The following DNAH2 variants were observed in gnomAD, a reference collection of about 807,000 sequenced individuals.
The protein encoded by DNAH2 is dynein axonemal heavy chain 2.
In DNAH2, 323 loss-of-function variants were observed where a neutral mutation model predicts 523.5. The ratio of observed to expected loss-of-function variants is 0.62; its 90% confidence interval spans 0.56 to 0.68. The LOEUF (loss-of-function observed/expected upper bound fraction) is 0.68. Among genes scored for constraint, DNAH2 ranks in the 30% least tolerant of loss-of-function variants. DNAH2 has a pLI of 0.00. For synonymous variants in DNAH2, 2,093 were observed against 2,177.4 expected, an observed-to-expected ratio of 0.96 and a Z score of 1.08; for missense variants, 4,907 against 5,701.5, an observed-to-expected ratio of 0.86 and a Z score of 4.49.
rs191532516 is a variant in DNAH2, at chr17:7,830,975, G to A, written c.12231-111G>A. On this transcript the variant is annotated intron_variant, in intron 79 of 85. Transcript: ENST00000572933. ...GACAGAGTTTGTGGGATTGAGATGG[G>A]GAGCAGGGCAGGGAGCTGGACAAAT... The A allele has an allele frequency of 1.7e-5, 25 of 1,507,088 alleles. No homozygotes were observed. The Admixed American group carries it at 2.6e-4, about 15-fold the overall frequency. 93.4% of individuals were successfully genotyped at this position (1,507,088 alleles called of 1,614,324 possible).
Position 7,768,053 on chromosome 17 carries a change from G to C in DNAH2, c.3829G>C (p.Glu1277Gln). ...LFRRLTKLAK[E>Q]YKDRNWEIIE... ...TCGTCGCCTCACAAAATTAGCCAAA[G>C]AGTATAAGGTGGGGAGAAACGGCGG... The change falls in exon 23 of 86, where the codon GAG becomes CAG. Residue 1277 changes from glutamate to glutamine, a missense_variant. Glu to Gln is a conservative substitution (Grantham distance 29, BLOSUM62 2). Transcript: ENST00000572933. The C allele has an allele frequency of 6.2e-7, 1 of 1,614,164 alleles. No homozygotes were observed. The highest frequency in any genetic ancestry group is 1.1e-5 in the South Asian group (1 of 91,078).
At chr17:7,765,903 C>T (rs753686042) in intron 21 of DNAH2, among the ~76,000 whole-genome samples, 6 of 151,988 alleles carry the variant, frequency 3.9e-5, no homozygotes, top group African/African-American at 7.3e-5. Context: ...TCAGCCTCCC[C>T]GAGTAGCTGG....
At chr17:7,776,671 G>A in intron 31 of DNAH2, 108 bp from the exon 32 acceptor site, 1 of 782,184 alleles carries the variant, frequency 1.3e-6, no homozygotes. Flanking sequence ...AGCAGATTGG[G>A]TGCAGTTGGG....
At position 7,808,069 on chromosome 17, in the gene DNAH2, C is replaced by A. The variant is rs146053348; in HGVS notation, c.9729+483C>A. On this transcript the variant is annotated intron_variant, in intron 63 of 85. Transcript: ENST00000572933. ...GGAGTCTGGGCAACCCAGGCGATCT[C>A]CTGCAAGATGCATGCATGAGGCTGG... is the stretch of plus-strand genomic sequence containing the variant. 4.5e-3 allele frequency among the ~76,000 whole-genome samples: 692 copies of A among 152,232 alleles called. 1 individual carries two copies. The highest frequency in any genetic ancestry group is 9.2e-3 in the Admixed American group (141 of 15,276).
At chr17:7,759,986 T>C (rs979583682) in intron 17 of DNAH2, 48 bp downstream of exon 17, 1 of 1,613,168 alleles carries the variant, frequency 6.2e-7, no homozygotes, top group South Asian at 1.1e-5. Context: ...TCAGAGGCTG[T>C]CGAGTGGGCC....
At chr17:7,827,677 C>T (rs2078057632) in intron 77 of DNAH2, among the ~76,000 whole-genome samples, 1 of 151,954 alleles carries the variant, frequency 6.6e-6, no homozygotes. Context: ...AACTTCTGAC[C>T]TCAGGTGATC....
At chr17:7,815,626 A>ATATACGGGATCACACACACG (rs1321207269) in intron 63 of DNAH2, among the ~76,000 whole-genome samples, 1 of 142,384 alleles carries the variant, frequency 7.0e-6, no homozygotes. Flanking sequence ...TCACACACAC[A>ATATACGGGATCACACACACG]TATACGGGAT....
chr17:7,752,530 G>A (rs1294405874), intron 12 of DNAH2, among the ~76,000 whole-genome samples: 4 of 152,102 alleles, frequency 2.6e-5, no homozygotes, highest in African/African-American at 7.2e-5. Context: ...CTAACATGGT[G>A]AAACCCTGTC....
In DNAH2 at chr17:7,754,394, A is replaced by G; in HGVS notation, c.1905-2697A>G. ...AGGAGCCGTGGCTTAAGGTGCAGACATGGCCAAGTCCACACCATACACCAC... is the reference window on the plus strand; with the variant it reads ...AGGAGCCGTGGCTTAAGGTGCAGACGTGGCCAAGTCCACACCATACACCAC... On this transcript the variant is annotated intron_variant, in intron 12 of 85. Transcript: ENST00000572933. This position sits in a 1 kb window ranked among gnomAD's most constrained non-coding sequence, Gnocchi z 4.6. The G allele has an allele frequency of 3.4e-6, 2 of 590,048 alleles. No individual in the cohort carries two copies. The highest frequency in any genetic ancestry group is 6.0e-6 in the Non-Finnish European group (2 of 332,152). The allele number at this position is 590,048 out of a possible 1,614,324, so 36.6% of individuals were successfully genotyped here.
chr17:7,771,796 A>G (rs1597607070), intron 28 of DNAH2, among the ~76,000 whole-genome samples: 1 of 151,900 alleles, frequency 6.6e-6, no homozygotes, highest in Non-Finnish European at 1.5e-5. Context: ...GGCTCACTGC[A>G]ATCTCTGCCT....
At chr17:7,789,152 C>G (rs2076826718) in intron 44 of DNAH2, among the ~76,000 whole-genome samples, 1 of 147,584 alleles carries the variant, frequency 6.8e-6, no homozygotes, top group African/African-American at 2.4e-5. Flanking sequence ...CAAGACAGAG[C>G]AAGACTCTGT....
chr17:7,789,166 AAAAAAC>A (rs144349820), intron 44 of DNAH2, among the ~76,000 whole-genome samples: 72,949 of 151,534 alleles, frequency 0.48, 19,529 homozygotes, highest in Non-Finnish European at 0.59. Context: ...ACTCTGTCTC[AAAAAAC>A]AAAAACAAAA....
In DNAH2 at chr17:7,754,427, G is replaced by A. The variant is rs1025752023; in HGVS notation, c.1905-2664G>A. 4 of 652,546 alleles carry A rather than the reference G, an allele frequency of 6.1e-6. No individual in the cohort carries two copies. The highest frequency in any genetic ancestry group is 3.8e-5 in the South Asian group (2 of 52,176). The allele number at this position is 652,546 out of a possible 1,614,324, so 40.4% of individuals were successfully genotyped here. ...GTCCACACCATACACCACCAGTCCC[G>A]AAAATGGCACAGAAATGGTATCAAG... On this transcript the variant is annotated intron_variant, in intron 12 of 85. Transcript: ENST00000572933. The surrounding 1 kb of genome is among the most constrained non-coding windows in gnomAD (Gnocchi z 4.6).
At chr17:7,789,128 C>A (rs534716155) in intron 44 of DNAH2, among the ~76,000 whole-genome samples, 34 of 152,284 alleles carry the variant, frequency 2.2e-4, no homozygotes, top group Non-Finnish European at 2.9e-5. Flanking sequence ...TGTGCCACTG[C>A]ACTCCAGCCT....
chr17:7,769,723 A>G (rs1271694155), intron 24 of DNAH2, among the ~76,000 whole-genome samples: 1 of 152,234 alleles, frequency 6.6e-6, no homozygotes, highest in Non-Finnish European at 1.5e-5. Flanking sequence ...AGTAATTTTT[A>G]TAAATGGTGT....
intron 58 of DNAH2, among the ~76,000 whole-genome samples, chr17:7,803,013 G>A (rs578044064): frequency 6.6e-5 from 10 of 152,194 alleles, no homozygotes; most frequent in Middle Eastern, 3.4e-3. Context: ...TTGAATCCAC[G>A]GATGTGGATA....
rs555109006 is a variant in DNAH2, at chr17:7,786,482, G to T, written c.6349-88G>T. 1.0e-5 allele frequency: 15 copies of T among 1,478,382 alleles called. No individual in the cohort carries two copies. Among genetic ancestry groups the T allele is most frequent in the African/African-American group, 9.7e-5 (7 of 72,292 alleles). The allele number at this position is 1,478,382 out of a possible 1,614,324, so 91.6% of individuals were successfully genotyped here. A position where few individuals can be genotyped will look rare whatever the true frequency, so the allele number is the denominator to read the frequency against. ...GGTGGCCTGGAGCGATGAGAGAAGGGACAAATGCACGTACCTAAGAGGGGT... is the reference window on the plus strand; with the variant it reads ...GGTGGCCTGGAGCGATGAGAGAAGGTACAAATGCACGTACCTAAGAGGGGT... On this transcript the variant is annotated intron_variant, in intron 40 of 85. Transcript: ENST00000572933. This position sits in a 1 kb window ranked among gnomAD's most constrained non-coding sequence, Gnocchi z 7.5.
At chr17:7,726,307 ATT>A (rs35883055) in intron 3 of DNAH2, among the ~76,000 whole-genome samples, 93 of 143,174 alleles carry the variant, frequency 6.5e-4, no homozygotes, top group Admixed American at 5.6e-4. Context: ...TACCCAGCTA[ATT>A]TTTTTTTTTT....
In DNAH2 at chr17:7,759,526, C is replaced by T; in HGVS notation, c.2553C>T (p.Ile851=). The part of the protein sequence containing the change: ...KWSLLELSKA[I]NGDGKTSPNP... Reference sequence around the variant, plus strand: ...CACTGCTAGAACTATCCAAGGCTATCAACGGGGATGGAAAGACCAGCCCAA... The same window carrying T: ...CACTGCTAGAACTATCCAAGGCTATTAACGGGGATGGAAAGACCAGCCCAA... Residue 851 remains isoleucine (I), a synonymous_variant, in exon 16 of 86, where the codon ATC becomes ATT. Transcript: ENST00000572933. 1.2e-6 allele frequency: 2 copies of T among 1,614,212 alleles called. No homozygotes were observed. The highest frequency in any genetic ancestry group is 2.2e-5 in the South Asian group (2 of 91,078).
Sources: allele counts gnomAD v4.1 joint callset (sites outside exome capture counted in the v4.1 genomes callset), GRCh38; gene constraint gnomAD v4.1.1; non-coding constraint Gnocchi (gnomAD v3.1); transcripts MANE v1.5; gene names NCBI Gene and HGNC (gene_info 2026-07-23, HGNC 2026-07-21).